Variants in PHKA1 observed in about 807,000 individuals in gnomAD.
PHKA1 encodes the protein phosphorylase kinase regulatory subunit alpha 1, also known as phosphorylase b kinase regulatory subunit alpha, skeletal muscle isoform.
A neutral mutation model predicts 110.2 loss-of-function variants in PHKA1; 60 were observed. The observed-to-expected ratio is 0.54, with a 90% CI of 0.44 to 0.68. The LOEUF is 0.68. Among genes scored for constraint, PHKA1 ranks in the 30% least tolerant of loss-of-function variants. PHKA1 has a pLI of 0.00. For synonymous variants in PHKA1, 316 were observed against 333.6 expected (o/e 0.95, Z 0.58); for missense variants, 801 against 942.5 (o/e 0.85, Z 1.97).
Position 72,714,203 on chromosome X carries a change from A to C in PHKA1, c.-323T>G, listed in dbSNP as rs782196722. 46 of 235,094 alleles carry C rather than the reference A, an allele frequency of 2.0e-4. No individual in the cohort carries two copies. The South Asian group carries it at 3.4e-3, about 17-fold the overall frequency. The allele number at this position is 235,094 out of a possible 1,213,427, so 19.4% of individuals were successfully genotyped here. ...CGTGTGACTCCTGCATCCTCCCCTC[A>C]ACCCCGGGAGACCGCCGCGGCCCAC... On this transcript the variant is annotated 5_prime_UTR_variant, in exon 1 of 32. Coordinates refer to ENST00000373542, the MANE Select transcript of PHKA1 (RefSeq NM_002637.4).
intron 8 of PHKA1, among the ~76,000 whole-genome samples, chrX:72,662,833 G>A (rs782080655): frequency 9.0e-6 from 1 of 111,019 alleles, no homozygotes; most frequent in Non-Finnish European, 1.9e-5. Context: ...TATAATAACT[G>A]TGTCCACCTA....
At chrX:72,593,623 G>T (rs946622443) in intron 28 of PHKA1, among the ~76,000 whole-genome samples, 6 of 112,425 alleles carry the variant, frequency 5.3e-5, no homozygotes, top group Non-Finnish European at 1.1e-4. Context: ...TTACAGGCGT[G>T]AGCCACCACA....
chrX:72,587,306 A>G (rs782296783), intron 29 of PHKA1, among the ~76,000 whole-genome samples: 2 of 111,785 alleles, frequency 1.8e-5, no homozygotes, highest in Admixed American at 1.9e-4. Flanking sequence ...AGAAATTTCA[A>G]CGCAGAATTT....
At chrX:72,642,158 G>GT (rs1407744273) in intron 14 of PHKA1, among the ~76,000 whole-genome samples, 3 of 111,791 alleles carry the variant, frequency 2.7e-5, no homozygotes, top group Non-Finnish European at 5.6e-5. Context: ...TAAGAACTTA[G>GT]TAAGAGGCCC....
At chrX:72,595,547 A>G (rs2052579212) in intron 28 of PHKA1, among the ~76,000 whole-genome samples, 1 of 112,335 alleles carries the variant, frequency 8.9e-6, no homozygotes, top group African/African-American at 3.2e-5. Flanking sequence ...AATTCTAAGG[A>G]ATTCACTAAC....
At position 72,603,125 on chromosome X, in the gene PHKA1, G is replaced by C. The variant is rs781902994; in HGVS notation, c.2911C>G (p.Arg971Gly). 5.9e-6 allele frequency: 7 copies of C among 1,180,601 alleles called. No individual in the cohort carries two copies. Among genetic ancestry groups the C allele is most frequent in the Non-Finnish European group, 5.8e-6 (5 of 867,622 alleles). Residue 971 changes from arginine (R) to glycine (G), a missense_variant, in exon 26 of 32, where the codon CGA becomes GGA. Transcript: ENST00000373542. The stretch of plus-strand genomic sequence containing the variant: ...TGCAGTTATTCAATCTCACCGCTTC[G>C]TTCCACTCCAAACTCCTTGCCGCTG... ...ILSGKEFGVE[R>G]SVRPTDSNVS...
At chrX:72,702,327 G>A (rs1447036663) in intron 3 of PHKA1, among the ~76,000 whole-genome samples, 2 of 110,722 alleles carry the variant, frequency 1.8e-5, no homozygotes, top group Non-Finnish European at 3.8e-5. Context: ...GCGCACATCT[G>A]TAATCCCAGC....
At chrX:72,704,776 A>G (rs1282623543) in intron 3 of PHKA1, among the ~76,000 whole-genome samples, 2 of 111,365 alleles carry the variant, frequency 1.8e-5, no homozygotes, top group African/African-American at 6.5e-5. Context: ...TTTTTTGTAG[A>G]GACAACGCTT....
Position 72,698,189 on chromosome X carries a change from GA to G in PHKA1, c.286-2314del, listed in dbSNP as rs200129785. ...GGTTATCAAGAATATGAAAATCTAA[GA>G]AAAAAAAAAGAGGGGGTCTTTATAA... is the stretch of plus-strand genomic sequence containing the variant. On this transcript the variant is annotated intron_variant, in intron 3 of 31. Transcript: ENST00000373542. 4.3e-3 allele frequency among the ~76,000 whole-genome samples: 447 copies of G among 103,416 alleles called. 1 individual carries two copies. The highest frequency in any genetic ancestry group is 0.015 in the African/African-American group (420 of 28,541). The allele number at this position is 103,416 out of a possible 115,157, so 89.8% of individuals were successfully genotyped here.
Position 72,644,473 on chromosome X carries a change from C to T in PHKA1, c.1348G>A (p.Glu450Lys), listed in dbSNP as rs782310573. Residue 450 changes from glutamate (E) to lysine (K), a missense_variant, in exon 14 of 32, where the codon GAA (glutamate) becomes AAA (lysine). Glu to Lys is a moderately conservative substitution (Grantham distance 56). This residue lies in a region of PHKA1 where 299 missense variants were observed against 423.3 expected (regional missense o/e 0.71). Coordinates refer to ENST00000373542, the MANE Select transcript of PHKA1 (RefSeq NM_002637.4). ...VQVSILAETE[E>K]IKTILKDKGI... ...TTGTCCTTCAAAATGGTCTTGATTT[C>T]TTCTGTTTCAGCTAGAATGGAGACT... is the stretch of plus-strand genomic sequence containing the variant. 7.5e-6 allele frequency: 9 copies of T among 1,207,518 alleles called. No individual in the cohort carries two copies. Among genetic ancestry groups the T allele is most frequent in the African/African-American group, 7.0e-5 (4 of 57,025 alleles).
rs782074677 is a variant in PHKA1 at position 72,579,498 on chromosome X, C to A, written c.*1504G>T. The A allele has an allele frequency of 1.8e-5, 2 of 111,539 alleles. No individual in the cohort carries two copies. The highest frequency in any genetic ancestry group is 7.5e-4 in the South Asian group (2 of 2,669). 9.2% of individuals were successfully genotyped at this position (111,539 alleles called of 1,213,427 possible). A position where few individuals can be genotyped will look rare whatever the true frequency, so the allele number is the denominator to read the frequency against. ...AAAAGGGAAGTTAACAGAGTCTCTG[C>A]ACAATTCAGAAGAAGGAGAGTTAGA... is the stretch of plus-strand genomic sequence containing the variant. On this transcript the variant is annotated 3_prime_UTR_variant, in exon 32 of 32. Coordinates refer to ENST00000373542, the MANE Select transcript of PHKA1 (RefSeq NM_002637.4).
intron 29 of PHKA1, 60 bp downstream of exon 29, chrX:72,593,042 TGC>T: frequency 1.4e-6 from 1 of 709,973 alleles, no homozygotes; most frequent in Non-Finnish European, 2.3e-6. Context: ...GTCATATCTC[TGC>T]CAAGGAGACT....
Position 72,697,000 on chromosome X carries a change from G to A in PHKA1, c.286-1124C>T, listed in dbSNP as rs143947744. 1.7e-3 allele frequency among the ~76,000 whole-genome samples: 188 copies of A among 111,863 alleles called. 1 individual carries two copies. The highest frequency in any genetic ancestry group is 5.6e-3 in the African/African-American group (174 of 30,832). On this transcript the variant is annotated intron_variant, in intron 3 of 31. Transcript: ENST00000373542. ...GTTGAGATCTAAAGCTTATTTTGCT[G>A]TTACAACTCCTCTTTTTTTGGAGTT...
At chrX:72,619,070 C>G in intron 20 of PHKA1, 144 bp downstream of exon 20, 1 of 544,102 alleles carries the variant, frequency 1.8e-6, no homozygotes. Flanking sequence ...TAAAAGTGAA[C>G]TGAAAAGAAC....
intron 21 of PHKA1, among the ~76,000 whole-genome samples, chrX:72,612,476 C>A (rs1556262323): frequency 8.9e-6 from 1 of 111,947 alleles, no homozygotes; most frequent in Non-Finnish European, 1.9e-5. Context: ...ATTTTTTGAT[C>A]TATCAATTCG....
At chrX:72,611,920 AT>A (rs1556261582) in intron 21 of PHKA1, among the ~76,000 whole-genome samples, 5 of 111,983 alleles carry the variant, frequency 4.5e-5, no homozygotes, top group Admixed American at 9.5e-5. Flanking sequence ...CAGCCTGGCA[AT>A]TCCTAACATG....
At chrX:72,581,454 T>C (rs1667967281) in intron 31 of PHKA1, among the ~76,000 whole-genome samples, 1 of 112,143 alleles carries the variant, frequency 8.9e-6, no homozygotes, top group Non-Finnish European at 1.9e-5. Flanking sequence ...AAGTTAAATA[T>C]AATCATTCAT....
intron 19 of PHKA1, 119 bp from the exon 20 acceptor site, chrX:72,619,424 A>G: frequency 2.1e-6 from 1 of 485,826 alleles, no homozygotes. Context: ...AAGAATGACA[A>G]ATTTCTCCTT....
chrX:72,706,298 TAA>T (rs2054282329), intron 2 of PHKA1, among the ~76,000 whole-genome samples: 1 of 111,914 alleles, frequency 8.9e-6, no homozygotes, highest in Non-Finnish European at 1.9e-5. Flanking sequence ...GAAGAAATTT[TAA>T]AAAGAGAGAA....
Sources: allele counts gnomAD v4.1 joint callset (sites outside exome capture counted in the v4.1 genomes callset), GRCh38; gene constraint gnomAD v4.1.1; regional missense constraint gnomAD v4.1.1; transcripts MANE v1.5; gene names NCBI Gene and HGNC (gene_info 2026-07-23, HGNC 2026-07-21).